GHR: variants seen among roughly 807,000 people sequenced by gnomAD.
GHR encodes growth hormone receptor.
Under a neutral mutation model 67.1 loss-of-function variants are expected in GHR, and 35 were observed. That is an observed-to-expected ratio of 0.52 (90% CI 0.40 to 0.69). The LOEUF (loss-of-function observed/expected upper bound fraction) is 0.69, where lower values mean the gene tolerates loss of function less well. Among genes scored for constraint, GHR ranks in the 30% least tolerant of loss-of-function variants. The pLI, the probability that GHR is intolerant of heterozygous loss-of-function variation, is 0.00. For synonymous variants in GHR, 272 were observed against 269.1 expected, an observed-to-expected ratio of 1.01 and a Z score of -0.10; for missense variants, 792 against 764.6, an observed-to-expected ratio of 1.04 and a Z score of -0.42.
intron 2 of GHR, among the ~76,000 whole-genome samples, chr5:42,587,639 T>C (rs1365568301): frequency 6.6e-6 from 1 of 152,172 alleles, no homozygotes; most frequent in Non-Finnish European, 1.5e-5. Context: ...CGTATCGGAA[T>C]GTGAACTTGG....
At chr5:42,482,627 T>G (rs577560373) in intron 1 of GHR, among the ~76,000 whole-genome samples, 2 of 152,120 alleles carry the variant, frequency 1.3e-5, no homozygotes, top group African/African-American at 4.8e-5. Context: ...AGTTCAATCT[T>G]AGACTGCTGT....
chr5:42,430,753 T>C (rs1349883980), intron 1 of GHR, among the ~76,000 whole-genome samples: 1 of 152,156 alleles, frequency 6.6e-6, no homozygotes, highest in East Asian at 1.9e-4. Flanking sequence ...ATTCAGTTCC[T>C]TTTTTTACAT....
At chr5:42,696,354 G>A (rs1291339540) in intron 5 of GHR, among the ~76,000 whole-genome samples, 3 of 152,224 alleles carry the variant, frequency 2.0e-5, no homozygotes, top group African/African-American at 7.2e-5. Flanking sequence ...AAAGGTGGTG[G>A]CCAAAGGCGT....
chr5:42,719,060 C>G lies in GHR; in HGVS notation c.1553C>G (p.Pro518Arg). Residue 518 changes from proline (P) to arginine (R), a missense_variant, in exon 10 of 10, where the codon CCG becomes CGG. Transcript: ENST00000230882. ...KAGMSQCDMHPEMVSLCQENF... is the reference protein window; with the variant it reads ...KAGMSQCDMHREMVSLCQENF... ...GGGATGTCCCAATGTGACATGCACCCGGAAATGGTCTCACTCTGCCAAGAA... is the reference window on the plus strand; with the variant it reads ...GGGATGTCCCAATGTGACATGCACCGGGAAATGGTCTCACTCTGCCAAGAA... 1 of 1,610,812 alleles carries G rather than the reference C, an allele frequency of 6.2e-7. No homozygotes were observed.
intron 1 of GHR, among the ~76,000 whole-genome samples, chr5:42,525,830 T>G (rs1314593488): frequency 1.3e-5 from 2 of 152,228 alleles, no homozygotes; most frequent in Non-Finnish European, 2.9e-5. Flanking sequence ...CTGCTTTCGC[T>G]TCTTCCTCAT....
intron 1 of GHR, among the ~76,000 whole-genome samples, chr5:42,460,161 T>G (rs1224920254): frequency 6.6e-6 from 1 of 152,128 alleles, no homozygotes; most frequent in Non-Finnish European, 1.5e-5. Context: ...ATCTGCAAGC[T>G]CAGAAGAGAG....
intron 3 of GHR, among the ~76,000 whole-genome samples, chr5:42,663,565 C>G (rs188964728): frequency 8.9e-4 from 135 of 152,264 alleles, no homozygotes; most frequent in South Asian, 1.2e-3. Context: ...TAAAAACTCT[C>G]AATAAATTAG....
intron 1 of GHR, among the ~76,000 whole-genome samples, chr5:42,512,712 T>C (rs769731200): frequency 6.6e-6 from 1 of 152,190 alleles, no homozygotes; most frequent in Non-Finnish European, 1.5e-5. Context: ...TTTAGGGCCC[T>C]ACACTTGACT....
rs74661075 is a variant in GHR at position 42,694,373 on chromosome 5, C to A, written c.267-544C>A. Among the ~76,000 whole-genome samples the A allele has an allele frequency of 3.8e-3, 580 of 152,218 alleles. 3 individuals carry two copies. The highest frequency in any genetic ancestry group is 0.014 in the African/African-American group (563 of 41,530). The stretch of plus-strand genomic sequence containing the variant: ...GATGGGAATTTGAGTCTTATTTTAG[C>A]CTGAAATTAGGGGACCACATCTTAC... On this transcript the variant is annotated intron_variant, in intron 4 of 9. Transcript: ENST00000230882.
intron 2 of GHR, among the ~76,000 whole-genome samples, chr5:42,613,021 G>A (rs1232720794): frequency 6.6e-6 from 1 of 152,080 alleles, no homozygotes; most frequent in Non-Finnish European, 1.5e-5. Flanking sequence ...CTCTTCCAGA[G>A]GAGGGTTTGT....
chr5:42,524,505 C>T (rs1485725476), intron 1 of GHR, among the ~76,000 whole-genome samples: 1 of 152,108 alleles, frequency 6.6e-6, no homozygotes, highest in Non-Finnish European at 1.5e-5. Flanking sequence ...GAAAGGGAAA[C>T]AGAGCATAAA....
intron 1 of GHR, among the ~76,000 whole-genome samples, chr5:42,477,350 A>C (rs1745383904): frequency 6.6e-6 from 1 of 152,142 alleles, no homozygotes; most frequent in South Asian, 2.1e-4. Context: ...ATACGTGTGC[A>C]TGTGTCTTTA....
chr5:42,611,531 G>A (rs1366150207), intron 2 of GHR, among the ~76,000 whole-genome samples: 1 of 152,142 alleles, frequency 6.6e-6, no homozygotes, highest in Admixed American at 6.5e-5. Context: ...CCTGTGCTTA[G>A]AACTGTATGT....
intron 2 of GHR, among the ~76,000 whole-genome samples, chr5:42,587,495 A>C (rs1036727214): frequency 1.3e-5 from 2 of 152,130 alleles, no homozygotes; most frequent in Non-Finnish European, 1.5e-5. Context: ...AGGGTCAGGG[A>C]AAGCCACCCC....
intron 3 of GHR, among the ~76,000 whole-genome samples, chr5:42,648,219 A>G (rs1021416798): frequency 6.6e-6 from 1 of 152,160 alleles, no homozygotes; most frequent in Non-Finnish European, 1.5e-5. Context: ...TGTGATAACA[A>G]TGTGCAAGTT....
At chr5:42,532,474 T>A (rs1748018339) in intron 1 of GHR, among the ~76,000 whole-genome samples, 1 of 152,170 alleles carries the variant, frequency 6.6e-6, no homozygotes, top group Admixed American at 6.5e-5. Context: ...CAAATCTGCT[T>A]CTTAGCTGTT....
At chr5:42,480,125 T>C (rs1252268434) in intron 1 of GHR, among the ~76,000 whole-genome samples, 2 of 152,214 alleles carry the variant, frequency 1.3e-5, no homozygotes, top group African/African-American at 4.8e-5. Flanking sequence ...TCTTTATTTC[T>C]GCCTTCATTT....
chr5:42,618,602 T>G lies in GHR; in HGVS notation c.71-10436T>G, dbSNP rs1753286383. Among the ~76,000 whole-genome samples, 7 of 152,244 alleles carry G rather than the reference T, an allele frequency of 4.6e-5. No homozygotes were observed. In the South Asian group the frequency reaches 1.5e-3, roughly 32 times the overall value. On this transcript the variant is annotated intron_variant, in intron 2 of 9. Transcript: ENST00000230882. ...AAAGCAAATAATGCAAGATACAGCATAAGACATAATTAACTATCAGATGAG... is the reference window on the plus strand; with the variant it reads ...AAAGCAAATAATGCAAGATACAGCAGAAGACATAATTAACTATCAGATGAG...
At chr5:42,718,380 A>T in intron 9 of GHR, 73 bp from the exon 10 acceptor site, 1 of 1,129,152 alleles carries the variant, frequency 8.9e-7, no homozygotes, top group Admixed American at 1.7e-5. Flanking sequence ...TTAATCTCTG[A>T]ACATTATTTG....
Sources: allele counts gnomAD v4.1 joint callset (sites outside exome capture counted in the v4.1 genomes callset), GRCh38; gene constraint gnomAD v4.1.1; transcripts MANE v1.5; gene names NCBI Gene and HGNC (gene_info 2026-07-23, HGNC 2026-07-21).